Variants in CA10 observed in about 807,000 individuals in gnomAD.
The protein encoded by CA10 is carbonic anhydrase 10 (inactive).
CA10 carries 14 observed loss-of-function variants against 44.2 expected under a neutral mutation model. The ratio of observed to expected loss-of-function variants is 0.32; its 90% CI spans 0.21 to 0.50. The LOEUF (loss-of-function observed/expected upper bound fraction) is 0.50. CA10 is among the 20% of genes least tolerant of loss of function. CA10 has a pLI of 0.99. For synonymous variants in CA10, 159 were observed against 141.6 expected, an observed-to-expected ratio of 1.12 and a Z score of -0.87; for missense variants, 350 against 409.7, an observed-to-expected ratio of 0.85 and a Z score of 1.26.
intron 6 of CA10, among the ~76,000 whole-genome samples, chr17:51,639,177 A>G (rs1056844650): frequency 2.6e-5 from 4 of 152,190 alleles, no homozygotes; most frequent in African/African-American, 9.7e-5. Flanking sequence ...TAACATATTG[A>G]ATAAGAGAAG....
chr17:51,978,382 A>ATGTGTGTGTG (rs56108471), intron 2 of CA10, among the ~76,000 whole-genome samples: 10 of 142,008 alleles, frequency 7.0e-5, no homozygotes, highest in African/African-American at 2.3e-4. Flanking sequence ...GTGTGTCTGT[A>ATGTGTGTGTG]TGTGTGTGTG....
intron 2 of CA10, among the ~76,000 whole-genome samples, chr17:51,981,404 C>A (rs1263504738): frequency 1.3e-5 from 2 of 151,812 alleles, no homozygotes; most frequent in African/African-American, 4.8e-5. Flanking sequence ...TGATGTTGAG[C>A]AAAAATGTCA....
intron 4 of CA10, among the ~76,000 whole-genome samples, chr17:51,742,733 T>A (rs1029098458): frequency 5.9e-5 from 9 of 152,190 alleles, no homozygotes; most frequent in African/African-American, 2.2e-4. Flanking sequence ...CCTATCTATA[T>A]CACCATAGCA....
intron 2 of CA10, among the ~76,000 whole-genome samples, chr17:51,981,799 T>C (rs1386627179): frequency 6.6e-6 from 1 of 152,074 alleles, no homozygotes; most frequent in African/African-American, 2.4e-5. Context: ...ATAATCAAAA[T>C]AGCAGATTTT....
chr17:52,082,555 CCTCA>C (rs1256788974), intron 1 of CA10, among the ~76,000 whole-genome samples: 5 of 152,074 alleles, frequency 3.3e-5, no homozygotes. Flanking sequence ...ACAAAGCTTC[CCTCA>C]CTCATCCTCT....
chr17:52,142,176 T>C (rs936164952), intron 1 of CA10, among the ~76,000 whole-genome samples: 3 of 152,134 alleles, frequency 2.0e-5, no homozygotes, highest in Admixed American at 6.5e-5. Context: ...GAGTTGGAAA[T>C]TGGAGCAAAG....
chr17:52,067,412 G>A (rs546600946), intron 2 of CA10, among the ~76,000 whole-genome samples: 2 of 152,370 alleles, frequency 1.3e-5, no homozygotes, highest in South Asian at 2.1e-4. Flanking sequence ...TTTGGATGAC[G>A]TAGGGAAACA....
At chr17:51,911,383 C>G (rs1346791965) in intron 3 of CA10, among the ~76,000 whole-genome samples, 2 of 152,128 alleles carry the variant, frequency 1.3e-5, no homozygotes, top group Non-Finnish European at 2.9e-5. Flanking sequence ...TGAGAGAATG[C>G]TCTTGGATAT....
intron 1 of CA10, among the ~76,000 whole-genome samples, chr17:52,149,056 C>T (rs896660429): frequency 6.6e-6 from 1 of 152,132 alleles, no homozygotes; most frequent in Non-Finnish European, 1.5e-5. Flanking sequence ...GAATTGTTTT[C>T]CTTGAGGCTA....
intron 4 of CA10, among the ~76,000 whole-genome samples, chr17:51,684,559 G>A (rs967921194): frequency 6.6e-6 from 1 of 152,180 alleles, no homozygotes; most frequent in South Asian, 2.1e-4. Context: ...CTGGTTGAAA[G>A]GCATAGCTTA....
intron 3 of CA10, among the ~76,000 whole-genome samples, chr17:51,771,276 G>A (rs537789857): frequency 1.8e-4 from 28 of 152,034 alleles, no homozygotes; most frequent in African/African-American, 5.1e-4. Context: ...ATATTTCAAC[G>A]TGAGATTTGG....
intron 3 of CA10, among the ~76,000 whole-genome samples, chr17:51,822,974 A>C (rs1270745962): frequency 1.1e-4 from 17 of 151,914 alleles, no homozygotes; most frequent in Admixed American, 1.1e-3. Flanking sequence ...GCCCTCCCCC[A>C]CCCACTTTTG....
intron 2 of CA10, among the ~76,000 whole-genome samples, chr17:52,023,152 C>T (rs762065867): frequency 3.3e-5 from 5 of 151,930 alleles, no homozygotes; most frequent in Admixed American, 6.6e-5. Flanking sequence ...AATGGCTAAA[C>T]GATCCTAAGC....
chr17:51,838,544 G>A (rs1025355505), intron 3 of CA10, among the ~76,000 whole-genome samples: 4 of 152,204 alleles, frequency 2.6e-5, no homozygotes, highest in Non-Finnish European at 2.9e-5. Context: ...GCCATGAGGC[G>A]CTGAATGCAG....
chr17:51,724,524 C>T (rs923187884), intron 4 of CA10, among the ~76,000 whole-genome samples: 3 of 152,208 alleles, frequency 2.0e-5, no homozygotes, highest in African/African-American at 7.2e-5. Context: ...TCTGTCTTTG[C>T]TTAATAAAAC....
chr17:52,073,356 T>G (rs1987736288), intron 1 of CA10, among the ~76,000 whole-genome samples: 1 of 152,170 alleles, frequency 6.6e-6, no homozygotes, highest in South Asian at 2.1e-4. Flanking sequence ...GAGAGAAGAT[T>G]TACTAGATTT....
rs148164479 is a variant in CA10, at chr17:52,107,220, G to C, written c.62-34827C>G. ...CCCCATGTTAGAAGCCAGGTGCCCT[G>C]CGATCGAGTCCTAATTTGAGATTTA... On this transcript the variant is annotated intron_variant, in intron 1 of 8. Coordinates refer to ENST00000451037, the MANE Select transcript of CA10 (RefSeq NM_020178.5). Among the ~76,000 whole-genome samples, 51 of 152,194 alleles carry C rather than the reference G, an allele frequency of 3.4e-4. No homozygotes were observed. The East Asian group carries it at 7.5e-3, about 23-fold the overall frequency.
chr17:52,107,996 T>G (rs1009183657), intron 1 of CA10, among the ~76,000 whole-genome samples: 9 of 151,846 alleles, frequency 5.9e-5, no homozygotes, highest in Non-Finnish European at 2.9e-5. Flanking sequence ...TAGGGAAAAT[T>G]TACCAAGTTT....
chr17:51,706,186 C>A (rs756484195), intron 4 of CA10, among the ~76,000 whole-genome samples: 1 of 152,166 alleles, frequency 6.6e-6, no homozygotes, highest in Non-Finnish European at 1.5e-5. Context: ...GATGTAAGCT[C>A]ATGCTTAACA....
Sources: gnomAD v4.1 joint callset for allele counts (sites outside exome capture counted in the v4.1 genomes callset) on GRCh38, gnomAD v4.1.1 for gene constraint, MANE v1.5 for transcripts, NCBI Gene and HGNC (gene_info 2026-07-23, HGNC 2026-07-21) for gene names.